CREBBP: variants seen among roughly 807,000 people sequenced by gnomAD.
CREBBP encodes the protein CREB binding lysine acetyltransferase.
A neutral mutation model predicts 265.0 loss-of-function variants in CREBBP; 19 were observed. The ratio of observed to expected loss-of-function variants is 0.07; its 90% CI spans 0.05 to 0.11. CREBBP has a LOEUF of 0.11. Ranked by LOEUF, CREBBP falls within the 10% of genes least tolerant of loss-of-function variation. The pLI, the probability that CREBBP is intolerant of heterozygous loss-of-function variation, is 1.00. For synonymous variants in CREBBP, 1,457 were observed against 1,223.7 expected (o/e 1.19, Z -3.98); for missense variants, 2,525 against 3,219.0 (o/e 0.78, Z 5.22).
At chr16:3,814,340 C>T (rs369104691) in intron 2 of CREBBP, among the ~76,000 whole-genome samples, 4 of 151,694 alleles carry the variant, frequency 2.6e-5, no homozygotes, top group Non-Finnish European at 4.4e-5. Context: ...CTGCAACCTC[C>T]GCCTCCCAGA....
chr16:3,781,586 G>A lies in CREBBP; in HGVS notation c.1574-280C>T, dbSNP rs130019. Among the ~76,000 whole-genome samples, 8,101 of 152,164 alleles carry A rather than the reference G, an allele frequency of 0.053. 689 individuals carry two copies. The highest frequency in any genetic ancestry group is 0.18 in the African/African-American group (7,492 of 41,478). On this transcript the variant is annotated intron_variant, in intron 6 of 30. Coordinates refer to ENST00000262367, the MANE Select transcript of CREBBP (RefSeq NM_004380.3). ...GGTTAGCTGCTATCTAAGTGAAAAA[G>A]TTATAAATGACCCACATGCAGCCTC...
Position 3,879,933 on chromosome 16 carries a change from A to C in CREBBP, c.-17T>G. On this transcript the variant is annotated 5_prime_UTR_variant, in exon 1 of 31. Transcript: ENST00000262367. ...CTCAGCCATTTTCACCTGCTCGCGA[A>C]AACAGCCCCGGGCACGGGCGGCCGG... 3 of 1,608,938 alleles carry C rather than the reference A, an allele frequency of 1.9e-6. No homozygotes were observed. The highest frequency in any genetic ancestry group is 2.5e-6 in the Non-Finnish European group (3 of 1,177,724).
chr16:3,751,911 G>T (rs2052483254), intron 19 of CREBBP, 105 bp from the exon 20 acceptor site: 1 of 1,071,934 alleles, frequency 9.3e-7, no homozygotes, highest in Non-Finnish European at 1.4e-6. Context: ...CACGACGAAG[G>T]GGGGGCGTTG....
At chr16:3,754,006 G>C (rs969857096) in intron 19 of CREBBP, among the ~76,000 whole-genome samples, 1 of 152,204 alleles carries the variant, frequency 6.6e-6, no homozygotes, top group Non-Finnish European at 1.5e-5. Context: ...ACCGAGGAAA[G>C]TGACACTGAG....
At chr16:3,859,677 T>C (rs1297641785) in intron 1 of CREBBP, among the ~76,000 whole-genome samples, 1 of 152,116 alleles carries the variant, frequency 6.6e-6, no homozygotes, top group East Asian at 1.9e-4. Flanking sequence ...CAACGGCCAA[T>C]GGTTTAATCA....
At chr16:3,798,017 CAAAG>C (rs1368259319) in intron 3 of CREBBP, among the ~76,000 whole-genome samples, 2 of 152,132 alleles carry the variant, frequency 1.3e-5, no homozygotes, top group Admixed American at 6.5e-5. Context: ...TCACAAAACA[CAAAG>C]AAACGACAAA....
At chr16:3,764,711 G>A (rs923285933) in intron 16 of CREBBP, among the ~76,000 whole-genome samples, 1 of 151,928 alleles carries the variant, frequency 6.6e-6, no homozygotes, top group Admixed American at 6.6e-5. Context: ...AGCCTCCTGA[G>A]TAGCCAGGAC....
chr16:3,848,268 T>C (rs771476940), intron 2 of CREBBP, among the ~76,000 whole-genome samples: 5 of 152,192 alleles, frequency 3.3e-5, no homozygotes, highest in Non-Finnish European at 7.3e-5. Context: ...TCTGTTAACA[T>C]GTGATAATGG....
intron 16 of CREBBP, among the ~76,000 whole-genome samples, chr16:3,761,821 A>C (rs1440959577): frequency 6.6e-6 from 1 of 152,236 alleles, no homozygotes; most frequent in East Asian, 1.9e-4. Context: ...TGCACAGACG[A>C]AGCAGCATTT....
rs955729800 is a variant in CREBBP, at chr16:3,880,032, G to A, written c.-116C>T. The A allele has an allele frequency of 1.4e-4, 115 of 826,802 alleles. No individual in the cohort carries two copies. The highest frequency in any genetic ancestry group is 1.8e-4 in the Non-Finnish European group (110 of 619,806). 51.2% of individuals were successfully genotyped at this position (826,802 alleles called of 1,614,324 possible). ...AGAGGAGCGAGCGCGGGCCGCGAGC[G>A]GGCGGGCGGGCGCCGAGGGAGAGGG... On this transcript the variant is annotated 5_prime_UTR_variant, in exon 1 of 31. Transcript: ENST00000262367.
At chr16:3,793,261 G>A (rs1173660307) in intron 4 of CREBBP, 125 bp downstream of exon 4, 5 of 1,310,936 alleles carry the variant, frequency 3.8e-6, no homozygotes, top group Non-Finnish European at 3.3e-6. Flanking sequence ...AACATGTCTT[G>A]CCACACCCAA....
intron 25 of CREBBP, among the ~76,000 whole-genome samples, chr16:3,739,133 A>ATT (rs1361984052): frequency 6.6e-6 from 1 of 152,242 alleles, no homozygotes; most frequent in African/African-American, 2.4e-5. Flanking sequence ...AATCAGTTAA[A>ATT]TGGAATTCAG....
At chr16:3,733,481 T>C (rs73493503) in intron 28 of CREBBP, among the ~76,000 whole-genome samples, 2,667 of 151,286 alleles carry the variant, frequency 0.018, 88 homozygotes, top group African/African-American at 0.062. Context: ...ACTGAGGAAA[T>C]TGGAACGAAG....
At chr16:3,849,391 GT>G (rs1264067290) in intron 2 of CREBBP, among the ~76,000 whole-genome samples, 1 of 2,078 alleles carries the variant, frequency 4.8e-4, no homozygotes, top group Non-Finnish European at 8.9e-3. Context: ...GTGTGTGTGT[GT>G]GTGTGTGTGT....
chr16:3,730,995 G>A (rs1343028493), intron 30 of CREBBP, among the ~76,000 whole-genome samples, 197 bp downstream of exon 30: 2 of 152,234 alleles, frequency 1.3e-5, no homozygotes, highest in Non-Finnish European at 2.9e-5. Context: ...TCAGGCCTGT[G>A]GCTGTGGCTA....
At chr16:3,787,146 C>A (rs938522042) in intron 5 of CREBBP, among the ~76,000 whole-genome samples, 1 of 152,104 alleles carries the variant, frequency 6.6e-6, no homozygotes, top group Non-Finnish European at 1.5e-5. Context: ...CCGTACCTTG[C>A]GGGCATTGTG....
chr16:3,760,525 C>A (rs992401281), intron 16 of CREBBP, among the ~76,000 whole-genome samples: 2 of 150,456 alleles, frequency 1.3e-5, no homozygotes, highest in Non-Finnish European at 3.0e-5. Context: ...GCCTCAGCCT[C>A]CCGAGTAGCT....
chr16:3,828,645 T>C (rs1434205226), intron 2 of CREBBP, among the ~76,000 whole-genome samples: 4 of 152,362 alleles, frequency 2.6e-5, no homozygotes, highest in South Asian at 4.1e-4. Context: ...TAAGGTCTTA[T>C]GTATTTCACC....
At chr16:3,790,304 T>C (rs130029) in intron 5 of CREBBP, among the ~76,000 whole-genome samples, 318 of 151,910 alleles carry the variant, frequency 2.1e-3, no homozygotes, top group African/African-American at 7.4e-3. Flanking sequence ...TCCAGGGAAA[T>C]TGTTTATTAA....
Sources: gnomAD v4.1 joint callset for allele counts (sites outside exome capture counted in the v4.1 genomes callset) on GRCh38, gnomAD v4.1.1 for gene constraint, MANE v1.5 for transcripts, NCBI Gene and HGNC (gene_info 2026-07-23, HGNC 2026-07-21) for gene names.